Variants in BOD1L1 observed in about 807,000 individuals in gnomAD.
The protein encoded by BOD1L1 is biorientation of chromosomes in cell division 1 like 1, also known as biorientation of chromosomes in cell division protein 1-like 1.
In BOD1L1, 86 loss-of-function variants were observed where a neutral mutation model predicts 240.7. The ratio of observed to expected loss-of-function variants is 0.36; its 90% CI spans 0.30 to 0.43. The LOEUF is 0.43. Ranked by LOEUF, BOD1L1 falls within the 20% of genes least tolerant of loss-of-function variation. The probability of loss-of-function intolerance (pLI) is 1.00; values close to 1 mark genes in which losing one functional copy is unlikely to be tolerated. For synonymous variants in BOD1L1, 1,268 were observed against 1,272.3 expected (o/e 1.00, Z 0.07); for missense variants, 3,554 against 3,643.5 (o/e 0.98, Z 0.63).
chr4:13,587,842 G>T, intron 15 of BOD1L1, 71 bp from the exon 16 acceptor site: 2 of 1,021,428 alleles, frequency 2.0e-6, no homozygotes, highest in South Asian at 1.5e-5. Flanking sequence ...GGAGCACACT[G>T]TACTAGATTC....
chr4:13,576,347 G>A (rs904059464), intron 25 of BOD1L1, among the ~76,000 whole-genome samples: 1 of 152,058 alleles, frequency 6.6e-6, no homozygotes, highest in Non-Finnish European at 1.5e-5. Context: ...ACACATTTTG[G>A]GAAATATATG....
At chr4:13,618,265 CA>C (rs538727592) in intron 2 of BOD1L1, among the ~76,000 whole-genome samples, 22 of 152,158 alleles carry the variant, frequency 1.4e-4, no homozygotes, top group East Asian at 5.8e-4. Flanking sequence ...GCCAGACTCC[CA>C]AAAAAACATG....
At chr4:13,617,878 T>C (rs1716738365) in intron 2 of BOD1L1, among the ~76,000 whole-genome samples, 1 of 152,304 alleles carries the variant, frequency 6.6e-6, no homozygotes, top group Admixed American at 6.5e-5. Context: ...AGATTGAACA[T>C]AACTAAATAA....
At chr4:13,579,884 C>T (rs1200563962) in intron 22 of BOD1L1, 44 bp downstream of exon 22, 7 of 1,492,790 alleles carry the variant, frequency 4.7e-6, no homozygotes, top group South Asian at 1.3e-5. Context: ...GCCTCTCCTG[C>T]CCCTCCCTCA....
intron 13 of BOD1L1, among the ~76,000 whole-genome samples, chr4:13,590,959 C>T (rs1714156405): frequency 6.6e-6 from 1 of 152,110 alleles, no homozygotes; most frequent in African/African-American, 2.4e-5. Context: ...GGGGAAAAGA[C>T]AGCTGCTGGT....
chr4:13,597,031 A>G, intron 11 of BOD1L1, 73 bp downstream of exon 11: 1 of 1,176,912 alleles, frequency 8.5e-7, no homozygotes, highest in Non-Finnish European at 1.2e-6. Context: ...CCACATAAGT[A>G]TATATATGTG....
intron 8 of BOD1L1, 101 bp from the exon 9 acceptor site, chr4:13,607,290 T>A (rs551443136): frequency 4.2e-6 from 2 of 472,148 alleles, no homozygotes; most frequent in Admixed American, 4.7e-5. Context: ...AATTTTTATT[T>A]ATCTTATTTT....
rs369354154 is a variant in BOD1L1 at position 13,587,679 on chromosome 4, A to T, written c.8353+20T>A. ...AATGATTTTCAAAGATGTCTAAAAC[A>T]GAAACATAAATATAAATACCTGGTT... On this transcript the variant is annotated intron_variant, in intron 16 of 25. Transcript: ENST00000040738. 692 of 1,508,262 alleles carry T rather than the reference A, an allele frequency of 4.6e-4. 1 individual carries two copies. The highest frequency in any genetic ancestry group is 6.7e-4 in the Admixed American group (33 of 48,904). The allele number at this position is 1,508,262 out of a possible 1,614,324, so 93.4% of individuals were successfully genotyped here.
chr4:13,591,537 G>A (rs763769350), intron 13 of BOD1L1, among the ~76,000 whole-genome samples: 4 of 152,170 alleles, frequency 2.6e-5, no homozygotes, highest in African/African-American at 7.2e-5. Context: ...GAAAAAATAT[G>A]TACACATAGC....
rs1467084786 is a variant in BOD1L1 at position 13,568,814 on chromosome 4, CATTAA to C, written c.*1192_*1196del. ...TAAAATGACAGAAATATCCACCTTACATTAAGAGTCAAAATAAAAAAAAAAACCCA... is the reference window on the plus strand; with the variant it reads ...TAAAATGACAGAAATATCCACCTTACGAGTCAAAATAAAAAAAAAAACCCA... On this transcript the variant is annotated 3_prime_UTR_variant, in exon 26 of 26. Transcript: ENST00000040738. 6.6e-6 allele frequency: 1 copy of C among 151,462 alleles called. No individual in the cohort carries two copies. Among genetic ancestry groups the C allele is most frequent in the East Asian group, 1.9e-4 (1 of 5,174 alleles). The allele number at this position is 151,462 out of a possible 1,614,324, so 9.4% of individuals were successfully genotyped here.
In BOD1L1 at chr4:13,601,511, T is replaced by C; in HGVS notation, c.5389A>G (p.Thr1797Ala). Residue 1797 changes from threonine (T) to alanine (A), a missense_variant, in exon 10 of 26, where the codon ACA becomes GCA. By Grantham distance (58) the Thr-to-Ala change is moderately conservative. Transcript: ENST00000040738. ...CTTGCTGGCCCCTCTCCATCTTCTG[T>C]TATCCCCGTGCTGGTGACTGCACTC... ...GESAVTSTGI[T>A]EDGEGPASCT... The C allele has an allele frequency of 6.2e-7, 1 of 1,614,020 alleles. No individual in the cohort carries two copies. The highest frequency in any genetic ancestry group is 8.5e-7 in the Non-Finnish European group (1 of 1,179,894).
In BOD1L1 at chr4:13,600,887, C is replaced by T. The variant is rs201815629; in HGVS notation, c.6013G>A (p.Gly2005Arg). 411 of 1,613,748 alleles carry T rather than the reference C, an allele frequency of 2.5e-4. No homozygotes were observed. The highest frequency in any genetic ancestry group is 3.2e-4 in the Non-Finnish European group (382 of 1,179,864). ...EDTTISTGLVGGSYDVLVSGE... is the reference protein window; with the variant it reads ...EDTTISTGLVRGSYDVLVSGE... The stretch of plus-strand genomic sequence containing the variant: ...GATACAAGAACATCGTAACTACCCC[C>T]GACCAGGCCAGTGGAAATAGTGGTA... Residue 2005 changes from glycine to arginine, a missense_variant, in exon 10 of 26, where the codon GGG becomes AGG. Physicochemically the swap from Gly to Arg is moderately radical, Grantham distance 125. Transcript: ENST00000040738.
chr4:13,599,015 T>A lies in BOD1L1; in HGVS notation c.7885A>T (p.Arg2629Trp), dbSNP rs1341810160. Residue 2629 changes from arginine to tryptophan, a missense_variant, in exon 10 of 26, where the codon AGG (arginine) becomes TGG (tryptophan). Physicochemically the swap from Arg to Trp is moderately radical, Grantham distance 101. Transcript: ENST00000040738. Reference sequence around the variant, plus strand: ...TCTCCTTCCTCAGGGAATGATTTCCTTGTGCTGTTATCATCTCCTGTTTTC... The same window carrying A: ...TCTCCTTCCTCAGGGAATGATTTCCATGTGCTGTTATCATCTCCTGTTTTC... ...AEKTGDDNST[R>W]KSFPEEGDIM... 3.1e-6 allele frequency: 5 copies of A among 1,613,834 alleles called. No individual in the cohort carries two copies. The highest frequency in any genetic ancestry group is 4.2e-6 in the Non-Finnish European group (5 of 1,179,830).
chr4:13,600,037 C>T lies in BOD1L1; in HGVS notation c.6863G>A (p.Gly2288Asp). The T allele has an allele frequency of 6.2e-7, 1 of 1,609,726 alleles. No individual in the cohort carries two copies. ...DPSVTPAEEM[G>D]DTAMISTSTS... The stretch of plus-strand genomic sequence containing the variant: ...GCTTGTGGAAATCATGGCGGTGTCA[C>T]CCATCTCTTCCGCTGGTGTGACTGA... The change falls in exon 10 of 26, where the codon GGT becomes GAT. Residue 2288 changes from glycine to aspartate, a missense_variant. Gly to Asp is a moderately conservative substitution (Grantham distance 94). This residue lies in a region of BOD1L1 where 3,393 missense variants were observed against 3,427.1 expected (regional missense o/e 0.99). Transcript: ENST00000040738.
Position 13,600,058 on chromosome 4 carries a change from A to T in BOD1L1, c.6842T>A (p.Val2281Asp). 6.2e-7 allele frequency: 1 copy of T among 1,612,188 alleles called. No individual in the cohort carries two copies. Among genetic ancestry groups the T allele is most frequent in the South Asian group, 1.1e-5 (1 of 90,754 alleles). ...GTCACCCATCTCTTCCGCTGGTGTG[A>T]CTGAGGGGTCGCCTTCCTCTTGAGG... ...AVPQEEGDPS[V>D]TPAEEMGDTA... is the part of the protein sequence containing the mutation. The change falls in exon 10 of 26, where the codon GTC becomes GAC. Residue 2281 changes from valine to aspartate, a missense_variant. Val to Asp is a radical substitution (Grantham distance 152). Coordinates refer to ENST00000040738, the MANE Select transcript of BOD1L1 (RefSeq NM_148894.3).
At chr4:13,575,380 A>T (rs6841014) in intron 25 of BOD1L1, among the ~76,000 whole-genome samples, 1,615 of 152,098 alleles carry the variant, frequency 0.011, 25 homozygotes, top group African/African-American at 0.037. Context: ...ATTAAAAATT[A>T]AAAAAATATA....
At position 13,614,226 on chromosome 4, in the gene BOD1L1, T is replaced by A; in HGVS notation, c.1144A>T (p.Lys382Ter). 6.6e-7 allele frequency: 1 copy of A among 1,525,744 alleles called. No individual in the cohort carries two copies. Among genetic ancestry groups the A allele is most frequent in the Non-Finnish European group, 8.8e-7 (1 of 1,140,106 alleles). The allele number at this position is 1,525,744 out of a possible 1,614,324, so 94.5% of individuals were successfully genotyped here. Residue 382 changes from lysine (K) to a stop codon, truncating the protein, a stop_gained, in exon 4 of 26, where the codon AAA (lysine) becomes TAA (stop). Transcript: ENST00000040738. LOFTEE classifies it high-confidence loss of function. ...LKLPSEKNSNKAKTVEGTKED... is the reference protein window; with the variant it reads ...LKLPSEKNSN ...TTTGTCCCTTCAACAGTTTTAGCTT[T>A]ATTACTGTTCTTTTCTGAAGGAAGT...
At chr4:13,609,533 G>A in intron 6 of BOD1L1, 127 bp from the exon 7 acceptor site, 1 of 547,636 alleles carries the variant, frequency 1.8e-6, no homozygotes, top group East Asian at 3.1e-5. Context: ...CTGAAAAAAT[G>A]CACATACACT....
chr4:13,627,109 T>G (rs77194843), intron 1 of BOD1L1, among the ~76,000 whole-genome samples: 1 of 152,334 alleles, frequency 6.6e-6, no homozygotes, highest in Non-Finnish European at 1.5e-5. Flanking sequence ...AACAATGCCT[T>G]AGTCTTGCTC....
Sources: allele counts gnomAD v4.1 joint callset (sites outside exome capture counted in the v4.1 genomes callset), GRCh38; gene constraint gnomAD v4.1.1; regional missense constraint gnomAD v4.1.1; transcripts MANE v1.5; gene names NCBI Gene and HGNC (gene_info 2026-07-23, HGNC 2026-07-21).